UBE3B: variants seen among roughly 807,000 people sequenced by gnomAD.
UBE3B encodes the protein ubiquitin-protein ligase E3B.
A neutral mutation model predicts 132.3 loss-of-function variants in UBE3B; 80 were observed. That is an observed-to-expected ratio of 0.60 (90% CI 0.50 to 0.73). The LOEUF (loss-of-function observed/expected upper bound fraction) is 0.73. UBE3B is among the 30% of genes least tolerant of loss of function. UBE3B has a pLI of 0.00. For synonymous variants in UBE3B, 487 were observed against 520.4 expected (o/e 0.94, Z 0.87); for missense variants, 1,196 against 1,362.5 (o/e 0.88, Z 1.92).
At chr12:109,489,072 C>G (rs1218758555) in intron 7 of UBE3B, among the ~76,000 whole-genome samples, 1 of 152,124 alleles carries the variant, frequency 6.6e-6, no homozygotes, top group African/African-American at 2.4e-5. Flanking sequence ...TCGTTAGTGC[C>G]GTGTGTTTCA....
At chr12:109,503,546 G>T (rs1017858133) in intron 14 of UBE3B, among the ~76,000 whole-genome samples, 4 of 151,762 alleles carry the variant, frequency 2.6e-5, no homozygotes, top group Non-Finnish European at 5.9e-5. Flanking sequence ...AGTCAACTGT[G>T]CCTGAGTGTA....
chr12:109,485,639 A>G (rs1415112829), intron 4 of UBE3B, among the ~76,000 whole-genome samples: 1 of 152,244 alleles, frequency 6.6e-6, no homozygotes, highest in Non-Finnish European at 1.5e-5. Context: ...GTCAGTATCC[A>G]TGGTGCTTAA....
intron 18 of UBE3B, among the ~76,000 whole-genome samples, chr12:109,512,342 C>T (rs1414060830): frequency 9.2e-5 from 14 of 151,964 alleles, no homozygotes; most frequent in African/African-American, 2.4e-4. Flanking sequence ...AGGGCCAACA[C>T]GAGGAGGGAA....
Position 109,524,023 on chromosome 12 carries a change from C to G in UBE3B, c.2410C>G (p.Leu804Val). ...VPFASFFLSQ[L>V]LGHHHSVFYS... is the part of the protein sequence containing the mutation. ...ATTTGCATCCTTCTTCCTGAGCCAA[C>G]TGCTTGGGCACCACCACAGCGTCTT... is the stretch of plus-strand genomic sequence containing the variant. The change falls in exon 22 of 28, where the codon CTG becomes GTG. Residue 804 changes from leucine to valine, a missense_variant. Transcript: ENST00000342494. 6.2e-7 allele frequency: 1 copy of G among 1,614,212 alleles called. No homozygotes were observed. The highest frequency in any genetic ancestry group is 8.5e-7 in the Non-Finnish European group (1 of 1,180,048).
At chr12:109,512,060 G>A (rs763945989) in intron 18 of UBE3B, among the ~76,000 whole-genome samples, 7 of 152,132 alleles carry the variant, frequency 4.6e-5, no homozygotes, top group African/African-American at 7.2e-5. Context: ...GGGACATGGC[G>A]GCGAGTTCAG....
In UBE3B at chr12:109,521,851, A is replaced by C. The variant is rs1881759280; in HGVS notation, c.2364+300A>C. On this transcript the variant is annotated intron_variant, in intron 21 of 27. Transcript: ENST00000342494. The surrounding 1 kb of genome is among the most constrained non-coding windows in gnomAD (Gnocchi z 4.2). ...AGTTTCGTTGCTAGTTAAGTGGTAG[A>C]GGTGGAATTTGAACCCAGGCCGGCC... Among the ~76,000 whole-genome samples, 1 of 152,168 alleles carries C rather than the reference A, an allele frequency of 6.6e-6. No individual in the cohort carries two copies.
At chr12:109,517,513 G>A (rs937303117) in intron 19 of UBE3B, among the ~76,000 whole-genome samples, 24 of 152,132 alleles carry the variant, frequency 1.6e-4, no homozygotes, top group Admixed American at 3.3e-4. Context: ...GTACAAGACC[G>A]TGCCTCCAAT....
Position 109,510,336 on chromosome 12 carries a change from T to C in UBE3B, c.1742-8T>C. The C allele has an allele frequency of 2.5e-6, 4 of 1,593,568 alleles. No individual in the cohort carries two copies. The highest frequency in any genetic ancestry group is 2.6e-6 in the Non-Finnish European group (3 of 1,168,836). On this transcript the variant is annotated splice_region_variant and splice_polypyrimidine_tract_variant and intron_variant, in intron 16 of 27. Coordinates refer to ENST00000342494, the MANE Select transcript of UBE3B (RefSeq NM_130466.4). ...CTCCTCTGACTTTCCTGTTTGTTTG[T>C]CCCACAGAGAACGCCAAGGGTGAGA...
chr12:109,490,129 ATGCCTGC>A, intron 8 of UBE3B, 125 bp downstream of exon 8: 1 of 994,704 alleles, frequency 1.0e-6, no homozygotes, highest in South Asian at 1.3e-5. Context: ...GAAGAGCTTG[ATGCCTGC>A]TGTCCTCTTC....
At chr12:109,503,318 C>A in intron 14 of UBE3B, 128 bp downstream of exon 14, 1 of 1,262,902 alleles carries the variant, frequency 7.9e-7, no homozygotes, top group Non-Finnish European at 1.1e-6. Flanking sequence ...CATTTTTGAG[C>A]TGTTCCTCTT....
intron 23 of UBE3B, among the ~76,000 whole-genome samples, chr12:109,525,677 C>A (rs1341573348): frequency 1.1e-4 from 16 of 152,090 alleles, no homozygotes. Flanking sequence ...TAAAATAAAT[C>A]TATAATCAGA....
chr12:109,499,864 TCTTC>T (rs1374881902), intron 12 of UBE3B, 54 bp downstream of exon 12: 7 of 1,434,236 alleles, frequency 4.9e-6, no homozygotes, highest in Admixed American at 4.8e-5. Context: ...ACCATCTTCT[TCTTC>T]CTTCTTTCTT....
chr12:109,527,655 A>AT (rs1882497813), intron 24 of UBE3B, among the ~76,000 whole-genome samples: 1 of 152,248 alleles, frequency 6.6e-6, no homozygotes, highest in South Asian at 2.1e-4. Context: ...GCCACAGGGC[A>AT]TTAGTTTGAA....
intron 23 of UBE3B, 119 bp downstream of exon 23, chr12:109,524,622 C>T: frequency 9.3e-7 from 1 of 1,071,882 alleles, no homozygotes; most frequent in South Asian, 1.5e-5. Flanking sequence ...GGTCCCTTGT[C>T]CTCCCCACCC....
intron 18 of UBE3B, among the ~76,000 whole-genome samples, chr12:109,512,381 C>G (rs1751440642): frequency 6.6e-6 from 1 of 152,000 alleles, no homozygotes; most frequent in South Asian, 2.1e-4. Context: ...TGCCACACAC[C>G]CGGGGGATGA....
At chr12:109,531,011 C>G (rs1882885974) in intron 26 of UBE3B, among the ~76,000 whole-genome samples, 1 of 152,152 alleles carries the variant, frequency 6.6e-6, no homozygotes, top group Admixed American at 6.5e-5. Context: ...TGCTTGGAAC[C>G]TTACCTTAGG....
At chr12:109,495,910 G>A (rs1349950200) in intron 9 of UBE3B, among the ~76,000 whole-genome samples, 1 of 152,206 alleles carries the variant, frequency 6.6e-6, no homozygotes, top group African/African-American at 2.4e-5. Flanking sequence ...CGGCCATCAC[G>A]AACATGTCAC....
chr12:109,533,618 T>C, intron 27 of UBE3B, 60 bp downstream of exon 27: 4 of 1,463,062 alleles, frequency 2.7e-6, no homozygotes, highest in Admixed American at 1.7e-5. Flanking sequence ...TTGTCTGCTG[T>C]GCCCACTGTG....
intron 16 of UBE3B, 107 bp from the exon 17 acceptor site, chr12:109,510,237 C>G (rs111256223): frequency 5.7e-5 from 50 of 872,596 alleles, no homozygotes; most frequent in Non-Finnish European, 8.4e-5. Flanking sequence ...TAATTCAGAG[C>G]GAGGGAGATC....
Sources: allele counts gnomAD v4.1 joint callset (sites outside exome capture counted in the v4.1 genomes callset), GRCh38; gene constraint gnomAD v4.1.1; non-coding constraint Gnocchi (gnomAD v3.1); transcripts MANE v1.5; gene names NCBI Gene and HGNC (gene_info 2026-07-23, HGNC 2026-07-21).